Variants in IFT43 observed in about 807,000 individuals in gnomAD.
IFT43 encodes the protein intraflagellar transport protein 43 homolog.
IFT43 carries 33 observed loss-of-function variants against 32.3 expected under a neutral mutation model. That is an observed-to-expected ratio of 1.02 (90% CI 0.77 to 1.37). IFT43 has a LOEUF of 1.37. IFT43 is among the 40% of genes most tolerant of loss of function. The pLI, the probability that IFT43 is intolerant of heterozygous loss-of-function variation, is 0.00. For missense variants in IFT43, 274 were observed against 265.9 expected (o/e 1.03, Z -0.21); for synonymous variants, 93 against 98.2 (o/e 0.95, Z 0.31).
At chr14:76,022,799 A>T (rs1267366518) in intron 3 of IFT43, among the ~76,000 whole-genome samples, 3 of 152,294 alleles carry the variant, frequency 2.0e-5, no homozygotes, top group African/African-American at 7.2e-5. Context: ...AATGTTTTCA[A>T]AGTTTATCCA....
At chr14:76,001,801 C>A (rs1370869757) in intron 2 of IFT43, among the ~76,000 whole-genome samples, 6 of 152,128 alleles carry the variant, frequency 3.9e-5, no homozygotes, top group Non-Finnish European at 2.9e-5. Context: ...GCTGAGTAAT[C>A]CCATGGCAGA....
At chr14:75,999,267 ATATATG>A (rs1289360596) in intron 2 of IFT43, among the ~76,000 whole-genome samples, 479 of 24,150 alleles carry the variant, frequency 0.02, 7 homozygotes, top group Non-Finnish European at 0.021. Context: ...ATATATATAT[ATATATG>A]TATATATATT....
chr14:76,050,261 A>C (rs1448863182), intron 3 of IFT43, among the ~76,000 whole-genome samples: 1 of 152,192 alleles, frequency 6.6e-6, no homozygotes, highest in South Asian at 2.1e-4. Flanking sequence ...CAGTAGAATG[A>C]GGGATTGTGA....
At chr14:75,993,676 C>T (rs1002962237) in intron 2 of IFT43, among the ~76,000 whole-genome samples, 43 of 152,198 alleles carry the variant, frequency 2.8e-4, no homozygotes, top group Admixed American at 1.2e-3. Flanking sequence ...AGAGTGGGTG[C>T]AGTCACTGGA....
intron 5 of IFT43, among the ~76,000 whole-genome samples, chr14:76,072,593 G>A (rs542235336): frequency 8.0e-4 from 122 of 152,294 alleles, no homozygotes; most frequent in African/African-American, 2.6e-3. Flanking sequence ...TCTTGTGCAC[G>A]CGTGCATGTT....
chr14:76,007,104 C>T (rs1369649534), intron 2 of IFT43, among the ~76,000 whole-genome samples: 1 of 152,182 alleles, frequency 6.6e-6, no homozygotes, highest in Non-Finnish European at 1.5e-5. Flanking sequence ...AGCAATCCTC[C>T]TGCTCTGGCC....
chr14:76,002,052 A>G (rs1208068225), intron 2 of IFT43, among the ~76,000 whole-genome samples: 1 of 152,216 alleles, frequency 6.6e-6, no homozygotes, highest in Non-Finnish European at 1.5e-5. Flanking sequence ...GTTCAAGACC[A>G]GCCTGACCAA....
chr14:76,009,167 C>T (rs1247977123), intron 2 of IFT43, among the ~76,000 whole-genome samples: 1 of 152,176 alleles, frequency 6.6e-6, no homozygotes, highest in Non-Finnish European at 1.5e-5. Context: ...GCAACTTAGC[C>T]GCTAGGCAAT....
intron 5 of IFT43, among the ~76,000 whole-genome samples, chr14:76,062,643 G>A (rs1360172194): frequency 5.9e-5 from 9 of 152,102 alleles, no homozygotes; most frequent in East Asian, 1.9e-4. Context: ...TCAGTCAGGC[G>A]CGGTGGCTCA....
chr14:76,008,887 T>A (rs952607021), intron 2 of IFT43, among the ~76,000 whole-genome samples: 1 of 152,234 alleles, frequency 6.6e-6, no homozygotes, highest in Non-Finnish European at 1.5e-5. Context: ...AACGCTTCCC[T>A]CAATCTAATC....
chr14:76,025,240 TGAG>T, intron 3 of IFT43, among the ~76,000 whole-genome samples: 1 of 152,216 alleles, frequency 6.6e-6, no homozygotes. Context: ...AAGATCTCTA[TGAG>T]GAGAACTACA....
At chr14:76,030,373 T>C (rs1446626373) in intron 3 of IFT43, among the ~76,000 whole-genome samples, 2 of 152,176 alleles carry the variant, frequency 1.3e-5, no homozygotes, top group African/African-American at 4.8e-5. Flanking sequence ...CAGCAAGATA[T>C]TCCAGAATAA....
chr14:76,063,921 A>G (rs560859721), intron 5 of IFT43, among the ~76,000 whole-genome samples: 2 of 152,306 alleles, frequency 1.3e-5, no homozygotes, highest in African/African-American at 4.8e-5. Flanking sequence ...AATTTAAGTA[A>G]GCTCCCCAGA....
intron 5 of IFT43, among the ~76,000 whole-genome samples, chr14:76,077,934 C>G (rs2037439753): frequency 6.6e-6 from 1 of 152,242 alleles, no homozygotes; most frequent in African/African-American, 2.4e-5. Flanking sequence ...CTCCTCAACC[C>G]TAACCCTACT....
At chr14:76,026,552 CA>C (rs58799745) in intron 3 of IFT43, among the ~76,000 whole-genome samples, 2,022 of 84,456 alleles carry the variant, frequency 0.024, 38 homozygotes, top group African/African-American at 0.071. Context: ...GAGTGAAACT[CA>C]AAAAAAAAAA....
intron 3 of IFT43, among the ~76,000 whole-genome samples, chr14:76,025,875 G>A (rs2036382655): frequency 6.6e-6 from 1 of 152,156 alleles, no homozygotes; most frequent in African/African-American, 2.4e-5. Flanking sequence ...ATACCATTCT[G>A]GACATAGGAT....
intron 3 of IFT43, among the ~76,000 whole-genome samples, chr14:76,038,901 CCT>C (rs2036655020): frequency 6.6e-6 from 1 of 152,004 alleles, no homozygotes; most frequent in Admixed American, 6.6e-5. Context: ...GAGCCTGTTC[CCT>C]GTTAAACTGA....
chr14:75,999,251 A>AAATTCATTTTT lies in IFT43; in HGVS notation c.147+10274_147+10275insAATTCATTTTT, dbSNP rs57696977. 9.8e-4 allele frequency among the ~76,000 whole-genome samples: 15 copies of AAATTCATTTTT among 15,236 alleles called. 1 individual carries two copies. Among genetic ancestry groups the AAATTCATTTTT allele is most frequent in the African/African-American group, 4.8e-3 (12 of 2,496 alleles). 10.0% of individuals were successfully genotyped at this position (15,236 alleles called of 152,430 possible). ...TTTATATATATATATATATATATAT[A>AAATTCATTTTT]TATATATATATATATATATATGTAT... On this transcript the variant is annotated intron_variant, in intron 2 of 8. Transcript: ENST00000314067.
chr14:76,049,475 A>T (rs1179232900), intron 3 of IFT43, among the ~76,000 whole-genome samples: 4 of 149,436 alleles, frequency 2.7e-5, no homozygotes, highest in Non-Finnish European at 5.9e-5. Flanking sequence ...TTTTTTTACA[A>T]TTATTTCCCT....
Sources: allele counts gnomAD v4.1 joint callset (sites outside exome capture counted in the v4.1 genomes callset), GRCh38; gene constraint gnomAD v4.1.1; transcripts MANE v1.5; gene names NCBI Gene and HGNC (gene_info 2026-07-23, HGNC 2026-07-21).